The following MAST2 variants were observed in gnomAD, a reference collection of about 807,000 sequenced individuals.
MAST2 encodes the protein microtubule-associated serine/threonine-protein kinase 2.
A neutral mutation model predicts 147.4 loss-of-function variants in MAST2; 70 were observed. The observed-to-expected ratio is 0.47, with a 90% confidence interval of 0.39 to 0.58. The LOEUF is 0.58. Ranked by LOEUF, MAST2 falls within the 20% of genes least tolerant of loss-of-function variation. MAST2 has a pLI of 0.00. For missense variants in MAST2, 2,080 were observed against 2,302.3 expected (o/e 0.90, Z 1.98); for synonymous variants, 869 against 896.8 (o/e 0.97, Z 0.55).
chr1:45,862,883 T>G (rs1230199431), intron 3 of MAST2, among the ~76,000 whole-genome samples: 2 of 152,220 alleles, frequency 1.3e-5, no homozygotes, highest in African/African-American at 4.8e-5. Context: ...AGCCTTTTTG[T>G]AGGCTTTCCA....
Position 45,824,445 on chromosome 1 carries a change from G to C in MAST2, c.190G>C (p.Gly64Arg), listed in dbSNP as rs2148706505. Residue 64 changes from glycine to arginine, a missense_variant, in exon 2 of 29, where the codon GGA (glycine) becomes CGA (arginine). Around this residue, in one of 4 missense-constraint regions of MAST2, gnomAD observed 569 missense variants for 642.5 expected, o/e 0.89. Transcript: ENST00000361297. ...PEGKEQDVVTGVSPLLFRKLS... is the reference protein window; with the variant it reads ...PEGKEQDVVTRVSPLLFRKLS... ...TTTCTCTTTGAAGGATGTAGTAACT[G>C]GAGTTAGTCCCCTGCTCTTCAGGAA... The C allele has an allele frequency of 4.4e-6, 7 of 1,602,624 alleles. No homozygotes were observed. In the Middle Eastern group the frequency reaches 5.0e-4, roughly 114 times the overall value.
chr1:45,930,958 T>G (rs1655191449), intron 4 of MAST2, among the ~76,000 whole-genome samples: 1 of 152,230 alleles, frequency 6.6e-6, no homozygotes, highest in South Asian at 2.1e-4. Flanking sequence ...CCATACTGAA[T>G]TAGCTCCTGA....
chr1:45,908,480 C>T (rs1484921485), intron 4 of MAST2, among the ~76,000 whole-genome samples: 2 of 152,112 alleles, frequency 1.3e-5, no homozygotes, highest in East Asian at 3.9e-4. Flanking sequence ...GTGTGTGTGT[C>T]TTTATTATAG....
chr1:45,898,481 C>G (rs1268042555), intron 4 of MAST2, among the ~76,000 whole-genome samples: 1 of 152,152 alleles, frequency 6.6e-6, no homozygotes, highest in East Asian at 1.9e-4. Context: ...GGTGGGCCAT[C>G]CAAATCCATG....
chr1:45,943,189 A>G (rs115658385), intron 4 of MAST2, among the ~76,000 whole-genome samples: 53 of 152,342 alleles, frequency 3.5e-4, no homozygotes, highest in African/African-American at 1.1e-3. Flanking sequence ...AAGTGTGTGC[A>G]TGGTAGATTC....
intron 3 of MAST2, chr1:45,865,262 A>G: frequency 2.9e-6 from 1 of 344,658 alleles, no homozygotes. Flanking sequence ...GAGTGCAGCT[A>G]AGTTCCTCTT....
intron 5 of MAST2, among the ~76,000 whole-genome samples, chr1:45,966,462 T>C (rs1661219718): frequency 6.6e-6 from 1 of 150,840 alleles, no homozygotes; most frequent in South Asian, 2.1e-4. Context: ...CTGGGCGTGG[T>C]GGCTCACGCC....
intron 3 of MAST2, among the ~76,000 whole-genome samples, chr1:45,843,741 ACT>A (rs1354839076): frequency 6.6e-6 from 1 of 152,056 alleles, no homozygotes; most frequent in African/African-American, 2.4e-5. Context: ...TGTCCTTTTC[ACT>A]CTTAGTTTTT....
intron 3 of MAST2, among the ~76,000 whole-genome samples, chr1:45,853,555 T>C (rs910712131): frequency 6.6e-6 from 1 of 152,068 alleles, no homozygotes; most frequent in African/African-American, 2.4e-5. Flanking sequence ...GTTTTTACCA[T>C]GTTGACCAGG....
chr1:45,843,838 AG>A (rs752739819), intron 3 of MAST2, among the ~76,000 whole-genome samples: 3 of 152,174 alleles, frequency 2.0e-5, no homozygotes, highest in Non-Finnish European at 4.4e-5. Context: ...TTAAAATAAA[AG>A]TTTTGAAATT....
intron 1 of MAST2, among the ~76,000 whole-genome samples, chr1:45,807,471 T>C (rs748307211): frequency 2.0e-5 from 3 of 152,190 alleles, no homozygotes; most frequent in Non-Finnish European, 2.9e-5. Context: ...ACCTCTTTCC[T>C]TAGCTCTACA....
chr1:45,820,153 A>G (rs1215386253), intron 1 of MAST2, among the ~76,000 whole-genome samples: 1 of 152,238 alleles, frequency 6.6e-6, no homozygotes, highest in East Asian at 1.9e-4. Context: ...AGATATCTAC[A>G]TGCAGAAGAG....
intron 8 of MAST2, chr1:46,006,608 A>G (rs1301230518): frequency 5.3e-6 from 2 of 376,850 alleles, no homozygotes; most frequent in East Asian, 4.2e-5. Context: ...AAGAAAAAAA[A>G]AAAGTAGCAG....
At chr1:45,924,163 T>C (rs919307614) in intron 4 of MAST2, among the ~76,000 whole-genome samples, 4 of 152,096 alleles carry the variant, frequency 2.6e-5, no homozygotes, top group African/African-American at 9.7e-5. Flanking sequence ...GCCACCACAC[T>C]CGGCAAAAAA....
rs1557513231 is a variant in MAST2 at position 46,031,068 on chromosome 1, A to AT, written c.2771dup (p.Met924IlefsTer21). 6.2e-7 allele frequency: 1 copy of AT among 1,613,742 alleles called. No homozygotes were observed. The highest frequency in any genetic ancestry group is 8.5e-7 in the Non-Finnish European group (1 of 1,179,818). ...CACAGAGAGTGACTCAAGCCCTCCA[A>AT]TGACAGTGCGACGCCGCTGCTCAGG... On this transcript the variant is annotated frameshift_variant, in exon 23 of 29. Coordinates refer to ENST00000361297, the MANE Select transcript of MAST2 (RefSeq NM_015112.3). LOFTEE classifies it high-confidence loss of function. The surrounding 1 kb of genome is among the most constrained non-coding windows in gnomAD (Gnocchi z 4.1).
intron 4 of MAST2, among the ~76,000 whole-genome samples, chr1:45,891,779 A>G (rs1414443574): frequency 6.6e-6 from 1 of 152,102 alleles, no homozygotes; most frequent in Non-Finnish European, 1.5e-5. Flanking sequence ...CAGAATATTA[A>G]TTTATCATAA....
chr1:45,959,326 T>C, intron 4 of MAST2, 60 bp from the exon 5 acceptor site: 1 of 1,382,220 alleles, frequency 7.2e-7, no homozygotes, highest in Non-Finnish European at 1.0e-6. Flanking sequence ...TAAAAACCAC[T>C]CAAGGTCTCT....
intron 3 of MAST2, among the ~76,000 whole-genome samples, chr1:45,858,966 T>G (rs1341320381): frequency 5.3e-5 from 8 of 152,346 alleles, no homozygotes; most frequent in South Asian, 2.1e-4. Context: ...TCCATTGGTC[T>G]ATATCTCTGT....
chr1:45,956,140 C>T (rs988874115), intron 4 of MAST2, among the ~76,000 whole-genome samples: 1 of 152,116 alleles, frequency 6.6e-6, no homozygotes, highest in Non-Finnish European at 1.5e-5. Flanking sequence ...TGAGTCCCAC[C>T]AGTGAAATTT....
Sources: gnomAD v4.1 joint callset for allele counts (sites outside exome capture counted in the v4.1 genomes callset) on GRCh38, gnomAD v4.1.1 for gene constraint, gnomAD v4.1.1 regional missense constraint, Gnocchi (gnomAD v3.1) non-coding constraint, MANE v1.5 for transcripts, NCBI Gene and HGNC (gene_info 2026-07-23, HGNC 2026-07-21) for gene names.